RESF1: variants seen among roughly 807,000 people sequenced by gnomAD.
RESF1 encodes the protein retroelement silencing factor 1, also known as gonad expressed transcript.
In RESF1, 65 loss-of-function variants were observed where a neutral mutation model predicts 134.7. That is an observed-to-expected ratio of 0.48 (90% CI 0.40 to 0.59). RESF1 has a LOEUF of 0.59. RESF1 is among the 20% of genes least tolerant of loss of function. RESF1 has a pLI of 0.00. For missense variants in RESF1, 2,274 were observed against 2,002.7 expected, an observed-to-expected ratio of 1.14 and a Z score of -2.59; for synonymous variants, 762 against 702.2, an observed-to-expected ratio of 1.09 and a Z score of -1.35.
intron 3 of RESF1, among the ~76,000 whole-genome samples, chr12:31,973,043 G>A (rs1051693977): frequency 2.0e-5 from 3 of 151,834 alleles, no homozygotes; most frequent in Non-Finnish European, 2.9e-5. Context: ...TAACTTCATG[G>A]AAGCACAAAT....
In RESF1 at chr12:31,985,383, T is replaced by C. The variant is rs141535138; in HGVS notation, c.4428T>C (p.Ser1476=). Residue 1476 remains serine (S), a synonymous_variant, in exon 4 of 6, where the codon TCT becomes TCC. Coordinates refer to ENST00000312561, the MANE Select transcript of RESF1 (RefSeq NM_018169.4). The stretch of plus-strand genomic sequence containing the variant: ...GTGTGAAAAACGTGCCATGTGATTC[T>C]GAACATATGAGACCAAGTAAACTTG... ...KICVKNVPCD[S]EHMRPSKLAV... 5.3e-5 allele frequency: 85 copies of C among 1,603,586 alleles called. No individual in the cohort carries two copies. The African/African-American group carries it at 1.0e-3, about 20-fold the overall frequency.
intron 5 of RESF1, among the ~76,000 whole-genome samples, chr12:31,988,902 C>G (rs1418536366): frequency 1.3e-5 from 2 of 151,692 alleles, no homozygotes; most frequent in South Asian, 4.2e-4. Flanking sequence ...CTATGTTGGC[C>G]AGGCTGGTCT....
chr12:31,970,133 G>A (rs1490986720), intron 2 of RESF1, 56 bp from the exon 3 acceptor site: 2 of 152,180 alleles, frequency 1.3e-5, no homozygotes, highest in Admixed American at 6.5e-5. Flanking sequence ...GTTAATCTTA[G>A]TGAGATCTTT....
intron 3 of RESF1, among the ~76,000 whole-genome samples, chr12:31,977,801 C>CTTTTTTTTTTT (rs3075963): frequency 5.6e-5 from 7 of 124,364 alleles, no homozygotes; most frequent in East Asian, 5.2e-4. Flanking sequence ...TTCTTTCTTT[C>CTTTTTTTTTTT]TTTTTTTTTT....
At position 31,982,156 on chromosome 12, in the gene RESF1, G is replaced by A. The variant is rs780791435; in HGVS notation, c.1201G>A (p.Val401Ile). 3 of 1,613,128 alleles carry A rather than the reference G, an allele frequency of 1.9e-6. No individual in the cohort carries two copies. In the South Asian group the frequency reaches 3.3e-5, roughly 18 times the overall value. The change falls in exon 4 of 6, where the codon GTA (valine) becomes ATA (isoleucine). Residue 401 changes from valine (V) to isoleucine (I), a missense_variant. Physicochemically the swap from Val to Ile is conservative, Grantham distance 29. Coordinates refer to ENST00000312561, the MANE Select transcript of RESF1 (RefSeq NM_018169.4). ...EKLVRDIKTL[V>I]EIKQKFSELA... ...GCTAGTAAGGGATATTAAAACATTAGTAGAGATAAAACAGAAGTTTTCAGA... is the reference window on the plus strand; with the variant it reads ...GCTAGTAAGGGATATTAAAACATTAATAGAGATAAAACAGAAGTTTTCAGA...
intron 5 of RESF1, among the ~76,000 whole-genome samples, chr12:31,991,061 T>G (rs532589907): frequency 6.6e-6 from 1 of 152,116 alleles, no homozygotes; most frequent in Admixed American, 6.5e-5. Context: ...TAGCTGGGCA[T>G]AGTGGTGCGC....
intron 2 of RESF1, among the ~76,000 whole-genome samples, chr12:31,968,783 T>A (rs1939451497): frequency 6.6e-6 from 1 of 152,180 alleles, no homozygotes; most frequent in Admixed American, 6.5e-5. Flanking sequence ...CAGATAATGT[T>A]TGTTTATTCA....
Position 31,975,324 on chromosome 12 carries a change from A to G in RESF1, c.-79+4968A>G, listed in dbSNP as rs182971181. Among the ~76,000 whole-genome samples, 6 of 152,180 alleles carry G rather than the reference A, an allele frequency of 3.9e-5. No individual in the cohort carries two copies. In the South Asian group the frequency reaches 6.2e-4, roughly 16 times the overall value. ...CAGAGCATTCCCATATAAGAGCTTT[A>G]TAGGAACCTCCCATCTCCAAAACTC... On this transcript the variant is annotated intron_variant, in intron 3 of 5. Transcript: ENST00000312561.
At chr12:31,967,612 G>A (rs542685419) in intron 2 of RESF1, among the ~76,000 whole-genome samples, 19 of 144,832 alleles carry the variant, frequency 1.3e-4, no homozygotes, top group African/African-American at 4.6e-4. Context: ...AGCCCTGCAC[G>A]CCCGCCCACC....
Position 31,981,956 on chromosome 12 carries a change from T to C in RESF1, c.1001T>C (p.Ile334Thr), listed in dbSNP as rs771600311. 1.2e-5 allele frequency: 20 copies of C among 1,614,046 alleles called. No homozygotes were observed. Among genetic ancestry groups the C allele is most frequent in the East Asian group, 2.2e-5 (1 of 44,896 alleles). Residue 334 changes from isoleucine to threonine, a missense_variant, in exon 4 of 6, where the codon ATT (isoleucine) becomes ACT (threonine). By Grantham distance (89) the Ile-to-Thr change is moderately conservative. Transcript: ENST00000312561. ...WQNPNENVST[I>T]GNFTNLKVNT... ...AACCCTAATGAAAATGTCAGCACAA[T>C]TGGAAATTTCACTAACTTGAAAGTA...
chr12:31,972,285 C>T (rs1011977035), intron 3 of RESF1, among the ~76,000 whole-genome samples: 3 of 151,924 alleles, frequency 2.0e-5, no homozygotes, highest in South Asian at 4.2e-4. Flanking sequence ...GTAAAATAAC[C>T]TGGGACTTGG....
At position 31,967,672 on chromosome 12, in the gene RESF1, T is replaced by G. The variant is rs546699568; in HGVS notation, c.-246-2517T>G. On this transcript the variant is annotated intron_variant, in intron 2 of 5. Transcript: ENST00000312561. ...CCTCCGCAGGGGGGATTTTTGTTTTTTTTGTGTGTGTGTGTGTTTTTCATT... is the reference window on the plus strand; with the variant it reads ...CCTCCGCAGGGGGGATTTTTGTTTTGTTTGTGTGTGTGTGTGTTTTTCATT... Among the ~76,000 whole-genome samples, 81 of 151,664 alleles carry G rather than the reference T, an allele frequency of 5.3e-4. 1 individual carries two copies. In the South Asian group the frequency reaches 0.014, roughly 26 times the overall value.
In RESF1 at chr12:31,987,259, AAAG is replaced by A. The variant is rs752941960; in HGVS notation, c.5028_5030del (p.Glu1676del). 23 of 1,589,506 alleles carry A rather than the reference AAAG, an allele frequency of 1.4e-5. No homozygotes were observed. Among genetic ancestry groups the A allele is most frequent in the Admixed American group, 6.7e-5 (4 of 59,316 alleles). ...AATAGTTTCAGGAATAAAAAGTACAAAAGAAGACTGGTTAAAATTTGTTGCTAC... is the reference window on the plus strand; with the variant it reads ...AATAGTTTCAGGAATAAAAAGTACAAAAGACTGGTTAAAATTTGTTGCTAC... On this transcript the variant is annotated inframe_deletion, in exon 5 of 6. Transcript: ENST00000312561.
In RESF1 at chr12:31,985,378, G is replaced by C; in HGVS notation, c.4423G>C (p.Asp1475His). The C allele has an allele frequency of 6.2e-7, 1 of 1,604,958 alleles. No individual in the cohort carries two copies. Among genetic ancestry groups the C allele is most frequent in the Non-Finnish European group, 8.5e-7 (1 of 1,177,906 alleles). ...KKICVKNVPCDSEHMRPSKLA... is the reference protein window; with the variant it reads ...KKICVKNVPCHSEHMRPSKLA... ...AATCTGTGTGAAAAACGTGCCATGT[G>C]ATTCTGAACATATGAGACCAAGTAA... Residue 1475 changes from aspartate (D) to histidine (H), a missense_variant, in exon 4 of 6, where the codon GAT becomes CAT. Coordinates refer to ENST00000312561, the MANE Select transcript of RESF1 (RefSeq NM_018169.4).
chr12:31,983,512 A>T lies in RESF1; in HGVS notation c.2557A>T (p.Asn853Tyr), dbSNP rs771947480. The change falls in exon 4 of 6, where the codon AAT (asparagine) becomes TAT (tyrosine). Residue 853 changes from asparagine (N) to tyrosine (Y), a missense_variant. By Grantham distance (143) the Asn-to-Tyr change is moderately radical. Transcript: ENST00000312561. ...TAATGGTAATTCAGAAGTCACACCT[A>T]ATGTCAATCAAGGAAAGCATAACAA... ...STNGNSEVTPNVNQGKHNKLE... is the reference protein window; with the variant it reads ...STNGNSEVTPYVNQGKHNKLE... 1 of 1,613,998 alleles carries T rather than the reference A, an allele frequency of 6.2e-7. No homozygotes were observed. The highest frequency in any genetic ancestry group is 8.5e-7 in the Non-Finnish European group (1 of 1,180,004).
At chr12:31,979,553 T>TA (rs935794613) in intron 3 of RESF1, among the ~76,000 whole-genome samples, 5 of 151,832 alleles carry the variant, frequency 3.3e-5, no homozygotes, top group South Asian at 2.1e-4. Context: ...TTTTGTTTTT[T>TA]AAAAAAAACA....
rs1442101778 is a variant in RESF1 at position 31,981,468 on chromosome 12, T to C, written c.513T>C (p.Ser171=). 2.5e-6 allele frequency: 4 copies of C among 1,614,150 alleles called. No homozygotes were observed. Among genetic ancestry groups the C allele is most frequent in the Non-Finnish European group, 3.4e-6 (4 of 1,180,030 alleles). The change falls in exon 4 of 6, where the codon TCT becomes TCC. Residue 171 remains serine (S), a synonymous_variant. Coordinates refer to ENST00000312561, the MANE Select transcript of RESF1 (RefSeq NM_018169.4). ...TYSMQMQMIP[S]NSTRLPVAYQ... ...CTATGCAAATGCAGATGATCCCTTC[T>C]AATTCTACACGACTTCCTGTAGCTT...
chr12:31,984,103 T>C lies in RESF1; in HGVS notation c.3148T>C (p.Tyr1050His), dbSNP rs1292600374. Residue 1050 changes from tyrosine to histidine, a missense_variant, in exon 4 of 6, where the codon TAC (tyrosine) becomes CAC (histidine). Tyr to His is a moderately conservative substitution (Grantham distance 83). Coordinates refer to ENST00000312561, the MANE Select transcript of RESF1 (RefSeq NM_018169.4). ...CCACAGTGATAAGGCACCTGTCTTA[T>C]ACCTACATGACCAGCTGTCAGAACT... ...EIHSDKAPVLYLHDQLSELLK... is the reference protein window; with the variant it reads ...EIHSDKAPVLHLHDQLSELLK... 8 of 1,613,796 alleles carry C rather than the reference T, an allele frequency of 5.0e-6. No individual in the cohort carries two copies. The highest frequency in any genetic ancestry group is 2.2e-5 in the East Asian group (1 of 44,896).
rs545526664 is a variant in RESF1 at position 31,983,981 on chromosome 12, A to G, written c.3026A>G (p.Asp1009Gly). 6.2e-7 allele frequency: 1 copy of G among 1,613,932 alleles called. No individual in the cohort carries two copies. The highest frequency in any genetic ancestry group is 2.2e-5 in the East Asian group (1 of 44,888). Residue 1009 changes from aspartate (D) to glycine (G), a missense_variant, in exon 4 of 6, where the codon GAT (aspartate) becomes GGT (glycine). Asp to Gly is a moderately conservative substitution (Grantham distance 94). Transcript: ENST00000312561. The stretch of plus-strand genomic sequence containing the variant: ...GCCACTGAAAAAAGCACAGCTAACG[A>G]TACGTGCTCGTCAGCTGCTATTCAG... The part of the protein sequence containing the change: ...EHATEKSTAN[D>G]TCSSAAIQED...
Sources: gnomAD v4.1 joint callset for allele counts (sites outside exome capture counted in the v4.1 genomes callset) on GRCh38, gnomAD v4.1.1 for gene constraint, MANE v1.5 for transcripts, NCBI Gene and HGNC (gene_info 2026-07-23, HGNC 2026-07-21) for gene names.